Variants in RFPL2 observed in about 807,000 individuals in gnomAD.
RFPL2 encodes ret finger protein like 2, also known as ret finger protein-like 2.
RFPL2 carries 13 observed loss-of-function variants against 17.8 expected under a neutral mutation model. The ratio of observed to expected loss-of-function variants is 0.73; its 90% CI spans 0.47 to 1.16. RFPL2 has a LOEUF of 1.16. Ranked by LOEUF, RFPL2 falls within the 50% of genes most tolerant of loss-of-function variation. RFPL2 has a pLI of 0.00. For synonymous variants in RFPL2, 189 were observed against 180.9 expected, an observed-to-expected ratio of 1.04 and a Z score of -0.36; for missense variants, 431 against 479.3, an observed-to-expected ratio of 0.90 and a Z score of 0.94.
At chr22:32,197,853 G>C (rs1039184601) in intron 2 of RFPL2, among the ~76,000 whole-genome samples, 1 of 152,150 alleles carries the variant, frequency 6.6e-6, no homozygotes, top group Non-Finnish European at 1.5e-5. Flanking sequence ...TCACACTCCG[G>C]CTGCTACTTA....
intron 2 of RFPL2, among the ~76,000 whole-genome samples, chr22:32,196,115 C>T (rs954053353): frequency 1.2e-4 from 18 of 152,164 alleles, no homozygotes; most frequent in African/African-American, 1.7e-4. Flanking sequence ...TGAGAACATG[C>T]GGTATTTATC....
At chr22:32,200,996 G>T (rs1487103457) in intron 2 of RFPL2, among the ~76,000 whole-genome samples, 2 of 151,760 alleles carry the variant, frequency 1.3e-5, no homozygotes, top group Non-Finnish European at 2.9e-5. Flanking sequence ...TCTGAGCTCC[G>T]CAGGAAACAG....
chr22:32,197,126 C>T (rs1923413509), intron 2 of RFPL2, among the ~76,000 whole-genome samples: 1 of 152,172 alleles, frequency 6.6e-6, no homozygotes, highest in African/African-American at 2.4e-5. Context: ...AATCACAGGA[C>T]AGATACTCAG....
At position 32,192,976 on chromosome 22, in the gene RFPL2, G is replaced by A. The variant is rs780514943; in HGVS notation, c.482C>T (p.Ala161Val). The change falls in exon 4 of 5, where the codon GCT becomes GTT. Residue 161 changes from alanine (A) to valine (V), a missense_variant. Ala to Val is a moderately conservative substitution (Grantham distance 64, BLOSUM62 0). Coordinates refer to ENST00000652607, the MANE Select transcript of RFPL2 (RefSeq NM_001394555.1). ...IRRNRQLERL[A>V]SHIKELEPKL... ...GGGCTCCAGTTCCTTGATGTGGGAA[G>A]CCAGCCTCTCTAGCTGCCGATTGCG... 9.9e-5 allele frequency: 159 copies of A among 1,614,048 alleles called. No individual in the cohort carries two copies. Among genetic ancestry groups the A allele is most frequent in the Non-Finnish European group, 1.2e-4 (145 of 1,180,038 alleles).
chr22:32,195,177 TATC>T (rs1429680628), intron 2 of RFPL2, among the ~76,000 whole-genome samples: 1 of 152,226 alleles, frequency 6.6e-6, no homozygotes. Flanking sequence ...AATATAATCT[TATC>T]ATTTTCCCTA....
At position 32,191,210 on chromosome 22, in the gene RFPL2, G is replaced by A; in HGVS notation, c.699C>T (p.Ser233=). 1 of 1,613,942 alleles carries A rather than the reference G, an allele frequency of 6.2e-7. No individual in the cohort carries two copies. Among genetic ancestry groups the A allele is most frequent in the Non-Finnish European group, 8.5e-7 (1 of 1,179,876 alleles). ...RFDVSVCILG[S]PRFTCGRHCW... ...AGTGGCGGCCACAGGTAAAGCGAGG[G>A]GAGCCCAGGATGCAAACGGACACGT... Residue 233 remains serine (S), a synonymous_variant, in exon 5 of 5, where the codon TCC becomes TCT. Coordinates refer to ENST00000652607, the MANE Select transcript of RFPL2 (RefSeq NM_001394555.1).
rs1569349014 is a variant in RFPL2 at position 32,193,206 on chromosome 22, A to G, written c.266-14T>C. On this transcript the variant is annotated splice_polypyrimidine_tract_variant and intron_variant, in intron 3 of 4. Coordinates refer to ENST00000652607, the MANE Select transcript of RFPL2 (RefSeq NM_001394555.1). Reference sequence around the variant, plus strand: ...CAGCCATGTCCACTGCCAGGGGAAAAGTACACAAGGTAAAAAAATTTCCAT... The same window carrying G: ...CAGCCATGTCCACTGCCAGGGGAAAGGTACACAAGGTAAAAAAATTTCCAT... The G allele has an allele frequency of 3.7e-6, 6 of 1,613,960 alleles. No individual in the cohort carries two copies. Among genetic ancestry groups the G allele is most frequent in the Non-Finnish European group, 5.1e-6 (6 of 1,179,856 alleles).
intron 1 of RFPL2, 195 bp from the exon 2 acceptor site, chr22:32,202,745 C>T (rs55958091): frequency 0.11 from 127,081 of 1,165,628 alleles, 11,071 homozygotes; most frequent in African/African-American, 0.44. Context: ...TCCCACTCCA[C>T]AGGAACAGCT....
In RFPL2 at chr22:32,190,944, G is replaced by T. The variant is rs192946108; in HGVS notation, c.965C>A (p.Ala322Asp). 3 of 1,603,124 alleles carry T rather than the reference G, an allele frequency of 1.9e-6. No individual in the cohort carries two copies. The highest frequency in any genetic ancestry group is 2.6e-6 in the Non-Finnish European group (3 of 1,174,274). ...MGMQNVSFFD[A>D]ESGSHVYTFR... The stretch of plus-strand genomic sequence containing the variant: ...TGTATAGACATGGGAACCACTTTCA[G>T]CATCAAAAAAGGAAACGTTCTGCAT... The change falls in exon 5 of 5, where the codon GCT becomes GAT. Residue 322 changes from alanine (A) to aspartate (D), a missense_variant. Ala to Asp is a moderately radical substitution (Grantham distance 126). Transcript: ENST00000652607.
At chr22:32,195,624 T>A (rs1203424701) in intron 2 of RFPL2, among the ~76,000 whole-genome samples, 1 of 145,846 alleles carries the variant, frequency 6.9e-6, no homozygotes, top group Non-Finnish European at 1.5e-5. Flanking sequence ...CCTGGCTAAT[T>A]TTTTTTTTTT....
At chr22:32,199,598 A>T (rs1335521387) in intron 2 of RFPL2, among the ~76,000 whole-genome samples, 3 of 152,200 alleles carry the variant, frequency 2.0e-5, no homozygotes, top group African/African-American at 7.2e-5. Flanking sequence ...GAGCTCAGAG[A>T]ACACAGCCAG....
rs771214398 is a variant in RFPL2, at chr22:32,194,537, T to C, written c.120-47A>G. 4 of 1,536,274 alleles carry C rather than the reference T, an allele frequency of 2.6e-6. No homozygotes were observed. The African/African-American group carries it at 5.5e-5, about 21-fold the overall frequency. ...GAATTAGGTTTTTACTGGTGATATATCTCCAGTTAATTATAACTTCAGTAA... is the reference window on the plus strand; with the variant it reads ...GAATTAGGTTTTTACTGGTGATATACCTCCAGTTAATTATAACTTCAGTAA... On this transcript the variant is annotated intron_variant, in intron 2 of 4. Coordinates refer to ENST00000652607, the MANE Select transcript of RFPL2 (RefSeq NM_001394555.1).
intron 1 of RFPL2, chr22:32,203,593 A>G (rs1383043098): frequency 2.7e-5 from 4 of 147,028 alleles, no homozygotes; most frequent in Non-Finnish European, 3.0e-5. Flanking sequence ...CCACCCAGCC[A>G]CTGGCAGTCC....
intron 2 of RFPL2, among the ~76,000 whole-genome samples, chr22:32,199,546 G>C (rs1923699023): frequency 6.6e-6 from 1 of 152,180 alleles, no homozygotes; most frequent in Non-Finnish European, 1.5e-5. Flanking sequence ...AGCTGTGTCA[G>C]GTGAGAAAAG....
chr22:32,197,361 T>G (rs914466268), intron 2 of RFPL2, among the ~76,000 whole-genome samples: 1 of 152,094 alleles, frequency 6.6e-6, no homozygotes, highest in African/African-American at 2.4e-5. Context: ...TTTTCTTTCC[T>G]CACACCCACA....
intron 3 of RFPL2, 50 bp from the exon 4 acceptor site, chr22:32,193,242 C>T: frequency 6.2e-7 from 1 of 1,613,814 alleles, no homozygotes; most frequent in Non-Finnish European, 8.5e-7. Context: ...GAGGTGAAAG[C>T]CTGTTAGTTG....
In RFPL2 at chr22:32,191,142, C is replaced by A. The variant is rs1238436079; in HGVS notation, c.767G>T (p.Gly256Val). 6.2e-7 allele frequency: 1 copy of A among 1,613,964 alleles called. No homozygotes were observed. Among genetic ancestry groups the A allele is most frequent in the East Asian group, 2.2e-5 (1 of 44,868 alleles). The change falls in exon 5 of 5, where the codon GGA becomes GTA. Residue 256 changes from glycine to valine, a missense_variant. Gly to Val is a moderately radical substitution (Grantham distance 109). Coordinates refer to ENST00000652607, the MANE Select transcript of RFPL2 (RefSeq NM_001394555.1). Reference protein sequence around the residue: ...DVGTSTEWDLGVCRESVHRKG... With the variant: ...DVGTSTEWDLVVCRESVHRKG... ...GCGGTGAACAGATTCTCTGCAGACT[C>A]CCAGGTCCCATTCTGTGCTTGTTCC...
intron 1 of RFPL2, among the ~76,000 whole-genome samples, 145 bp downstream of exon 1, chr22:32,204,562 G>A (rs886151515): frequency 2.0e-5 from 3 of 152,212 alleles, no homozygotes; most frequent in Admixed American, 2.0e-4. Flanking sequence ...CAGGCAGTGA[G>A]CCCTGGATAG....
At chr22:32,203,795 C>T (rs1454647502) in intron 1 of RFPL2, among the ~76,000 whole-genome samples, 4 of 151,590 alleles carry the variant, frequency 2.6e-5, no homozygotes, top group Admixed American at 6.6e-5. Context: ...CCATGGATAG[C>T]GCCCTCAACA....
Sources: gnomAD v4.1 joint callset for allele counts (sites outside exome capture counted in the v4.1 genomes callset) on GRCh38, gnomAD v4.1.1 for gene constraint, MANE v1.5 for transcripts, NCBI Gene and HGNC (gene_info 2026-07-23, HGNC 2026-07-21) for gene names.